The following DENND2A variants were observed in gnomAD, a reference collection of about 807,000 sequenced individuals.
DENND2A encodes the protein DENN domain-containing protein 2A.
A neutral mutation model predicts 105.3 loss-of-function variants in DENND2A; 53 were observed. The ratio of observed to expected loss-of-function variants is 0.50; its 90% CI spans 0.40 to 0.63. The LOEUF is 0.63. DENND2A is among the 30% of genes least tolerant of loss of function. The probability of loss-of-function intolerance (pLI) is 0.00; values close to 1 mark genes in which losing one functional copy is unlikely to be tolerated. For missense variants in DENND2A, 1,138 were observed against 1,279.6 expected, an observed-to-expected ratio of 0.89 and a Z score of 1.69; for synonymous variants, 522 against 508.4, an observed-to-expected ratio of 1.03 and a Z score of -0.36.
At chr7:140,541,008 G>A (rs1465365845) in intron 14 of DENND2A, among the ~76,000 whole-genome samples, 1 of 152,138 alleles carries the variant, frequency 6.6e-6, no homozygotes, top group Non-Finnish European at 1.5e-5. Flanking sequence ...GTGAGCCACT[G>A]AGCCTGGCTG....
intron 12 of DENND2A, among the ~76,000 whole-genome samples, chr7:140,554,837 G>T (rs1259353348): frequency 1.3e-5 from 2 of 152,120 alleles, no homozygotes; most frequent in African/African-American, 2.4e-5. Context: ...TTCCAGAAAA[G>T]AAGACCAAAT....
chr7:140,564,781 A>G (rs1461499594), intron 9 of DENND2A, among the ~76,000 whole-genome samples: 1 of 152,220 alleles, frequency 6.6e-6, no homozygotes, highest in Non-Finnish European at 1.5e-5. Context: ...GATTCCTACA[A>G]CACTGATTAA....
intron 18 of DENND2A, among the ~76,000 whole-genome samples, chr7:140,521,469 G>GT (rs1169003074): frequency 6.6e-6 from 1 of 151,834 alleles, no homozygotes; most frequent in Non-Finnish European, 1.5e-5. Context: ...TAGAAAAGGG[G>GT]TTGCACCATG....
chr7:140,586,366 A>AAAACAC (rs71522104), intron 4 of DENND2A, among the ~76,000 whole-genome samples: 2 of 139,534 alleles, frequency 1.4e-5, no homozygotes, highest in African/African-American at 5.3e-5. Context: ...TAAAAAAGAA[A>AAAACAC]ACACACACAC....
At chr7:140,554,320 A>G (rs1298359538) in intron 12 of DENND2A, among the ~76,000 whole-genome samples, 4 of 151,968 alleles carry the variant, frequency 2.6e-5, no homozygotes, top group African/African-American at 7.2e-5. Context: ...AGACAGAGCT[A>G]TATACTCAAG....
Position 140,568,790 on chromosome 7 carries a change from C to G in DENND2A, c.1564G>C (p.Asp522His), listed in dbSNP as rs1474949486. ...GKVTDENSES[D>H]SDTEEKLKAH... The stretch of plus-strand genomic sequence containing the variant: ...TTCAGCTTCTCCTCTGTGTCACTGT[C>G]AGACTCACTGTTCTCATCTGTCACT... Residue 522 changes from aspartate (D) to histidine (H), a missense_variant, in exon 8 of 20, where the codon GAC becomes CAC. Coordinates refer to ENST00000496613, the MANE Select transcript of DENND2A (RefSeq NM_015689.5). 2 of 1,614,048 alleles carry G rather than the reference C, an allele frequency of 1.2e-6. No individual in the cohort carries two copies. Among genetic ancestry groups the G allele is most frequent in the Non-Finnish European group, 1.7e-6 (2 of 1,180,018 alleles).
intron 1 of DENND2A, among the ~76,000 whole-genome samples, chr7:140,606,619 G>A (rs982915032): frequency 3.9e-5 from 6 of 152,158 alleles, no homozygotes; most frequent in African/African-American, 1.4e-4. Context: ...TGTCTGCAGA[G>A]CACCCCATGG....
chr7:140,572,085 C>G (rs1798116432), intron 6 of DENND2A, among the ~76,000 whole-genome samples: 1 of 152,036 alleles, frequency 6.6e-6, no homozygotes, highest in African/African-American at 2.4e-5. Context: ...CTCACTGCAG[C>G]CTCTAACTCC....
intron 14 of DENND2A, among the ~76,000 whole-genome samples, chr7:140,543,251 A>G (rs984838727): frequency 6.7e-6 from 1 of 148,566 alleles, no homozygotes; most frequent in African/African-American, 2.5e-5. Context: ...CCCTAGTAGC[A>G]GGGACTGTAG....
intron 1 of DENND2A, among the ~76,000 whole-genome samples, chr7:140,622,480 C>G (rs939487987): frequency 2.0e-5 from 3 of 152,134 alleles, no homozygotes; most frequent in Non-Finnish European, 4.4e-5. Flanking sequence ...TACTCTTTAT[C>G]CAAATTCACC....
intron 12 of DENND2A, 131 bp from the exon 13 acceptor site, chr7:140,547,070 A>G: frequency 8.6e-7 from 1 of 1,162,248 alleles, no homozygotes; most frequent in Non-Finnish European, 1.2e-6. Context: ...CCATGAGGCC[A>G]AAACAGGCCC....
chr7:140,550,995 G>T (rs1234851175), intron 12 of DENND2A, among the ~76,000 whole-genome samples: 1 of 151,660 alleles, frequency 6.6e-6, no homozygotes, highest in African/African-American at 2.4e-5. Flanking sequence ...TGCTTAGGGG[G>T]ACAGTAATGA....
chr7:140,627,931 A>G (rs182455836), intron 1 of DENND2A, among the ~76,000 whole-genome samples: 180 of 151,940 alleles, frequency 1.2e-3, no homozygotes, highest in African/African-American at 4.2e-3. Context: ...AGCTGGAACT[A>G]CAGGCGTGTA....
chr7:140,602,652 A>C, intron 2 of DENND2A, 110 bp from the exon 3 acceptor site: 1 of 326,850 alleles, frequency 3.1e-6, no homozygotes, highest in Non-Finnish European at 5.5e-6. Context: ...CAAACCACAA[A>C]CATTGAAATT....
chr7:140,573,296 G>A (rs1054040659), intron 6 of DENND2A, among the ~76,000 whole-genome samples: 16 of 152,176 alleles, frequency 1.1e-4, no homozygotes, highest in Admixed American at 7.2e-4. Flanking sequence ...CAGAACTGCA[G>A]CACTGAAATT....
Position 140,602,050 on chromosome 7 carries a change from G to A in DENND2A, c.348C>T (p.Asn116=), listed in dbSNP as rs1026599095. Residue 116 remains asparagine, a synonymous_variant, in exon 3 of 20, where the codon AAC becomes AAT. Transcript: ENST00000496613. ...CCGGCTCTGGGTCCTGTCCCCCGAC[G>A]TTCACTGCTCCTTTATTCCTCTCCT... is the stretch of plus-strand genomic sequence containing the variant. ...TEKERNKGAV[N]VGGQDPEPGQ... is the part of the protein sequence containing the mutation. The A allele has an allele frequency of 3.1e-6, 5 of 1,614,036 alleles. No individual in the cohort carries two copies. The highest frequency in any genetic ancestry group is 1.3e-5 in the African/African-American group (1 of 74,912).
chr7:140,550,739 C>T (rs943650932), intron 12 of DENND2A, among the ~76,000 whole-genome samples: 1 of 151,684 alleles, frequency 6.6e-6, no homozygotes, highest in Non-Finnish European at 1.5e-5. Flanking sequence ...GGATTACAGG[C>T]GTGAGCCACC....
intron 14 of DENND2A, among the ~76,000 whole-genome samples, chr7:140,529,041 G>T (rs866373656): frequency 1.3e-5 from 2 of 152,042 alleles, no homozygotes; most frequent in Non-Finnish European, 2.9e-5. Context: ...GGAGGCGGAG[G>T]TTGCAGTGAG....
At chr7:140,556,425 A>G (rs1322660489) in intron 11 of DENND2A, among the ~76,000 whole-genome samples, 1 of 151,984 alleles carries the variant, frequency 6.6e-6, no homozygotes, top group East Asian at 1.9e-4. Context: ...TGCACCCTCC[A>G]CTTCCCAGGT....
Sources: allele counts gnomAD v4.1 joint callset (sites outside exome capture counted in the v4.1 genomes callset), GRCh38; gene constraint gnomAD v4.1.1; transcripts MANE v1.5; gene names NCBI Gene and HGNC (gene_info 2026-07-23, HGNC 2026-07-21).